Variants in CDYL observed in about 807,000 individuals in gnomAD.
CDYL encodes chromodomain Y-like protein.
Under a neutral mutation model 47.3 loss-of-function variants are expected in CDYL, and 8 were observed. The observed-to-expected ratio is 0.17, with a 90% CI of 0.10 to 0.31. The LOEUF (loss-of-function observed/expected upper bound fraction) is 0.31, where lower values mean the gene tolerates loss of function less well. CDYL is among the 10% of genes least tolerant of loss of function. The pLI, the probability that CDYL is intolerant of heterozygous loss-of-function variation, is 1.00. For missense variants in CDYL, 471 were observed against 701.4 expected, an observed-to-expected ratio of 0.67 and a Z score of 3.71; for synonymous variants, 266 against 265.0, an observed-to-expected ratio of 1.00 and a Z score of -0.04.
exon 3 of CDYL, chr6:4,734,799 C>A: frequency 6.2e-7 from 1 of 1,614,130 alleles, no homozygotes; most frequent in Non-Finnish European, 8.5e-7. Context: ...CCAGCATCTC[C>A]GTGAGCAGTG....
intron 1 of CDYL, among the ~76,000 whole-genome samples, chr6:4,789,371 G>A (rs1228122983): frequency 6.6e-6 from 1 of 152,160 alleles, no homozygotes; most frequent in African/African-American, 2.4e-5. Context: ...GCCGCGCCTG[G>A]CTGCTCCTGG....
chr6:4,716,220 G>A (rs1303209569), intron 2 of CDYL, among the ~76,000 whole-genome samples: 1 of 150,144 alleles, frequency 6.7e-6, no homozygotes, highest in African/African-American at 2.5e-5. Context: ...CTGTACTCCA[G>A]CCTGGGTGAC....
At chr6:4,767,186 T>A (rs1217480935) in intron 3 of CDYL, among the ~76,000 whole-genome samples, 1 of 151,892 alleles carries the variant, frequency 6.6e-6, no homozygotes, top group Non-Finnish European at 1.5e-5. Context: ...AATATGTCAA[T>A]GCATTTACAA....
At chr6:4,756,892 A>G (rs1174259186) in intron 3 of CDYL, among the ~76,000 whole-genome samples, 1 of 152,150 alleles carries the variant, frequency 6.6e-6, no homozygotes, top group Non-Finnish European at 1.5e-5. Flanking sequence ...TTGTCACCTT[A>G]TAGCTTATTG....
intron 2 of CDYL, among the ~76,000 whole-genome samples, chr6:4,915,493 T>TGGGGGC (rs1387446335): frequency 6.6e-6 from 1 of 152,126 alleles, no homozygotes; most frequent in African/African-American, 2.4e-5. Flanking sequence ...ATGTGGGGGA[T>TGGGGGC]GGGGGCAGAC....
At chr6:4,779,333 CAGG>C (rs1758550294) in intron 1 of CDYL, among the ~76,000 whole-genome samples, 2 of 152,128 alleles carry the variant, frequency 1.3e-5, no homozygotes, top group African/African-American at 2.4e-5. Flanking sequence ...GATATATTGA[CAGG>C]AGGAAATGTG....
At chr6:4,843,606 G>A (rs1760568387) in intron 1 of CDYL, among the ~76,000 whole-genome samples, 1 of 150,174 alleles carries the variant, frequency 6.7e-6, no homozygotes, top group African/African-American at 2.5e-5. Flanking sequence ...CTACTTGTTT[G>A]ATTCTGTTGC....
intron 1 of CDYL, among the ~76,000 whole-genome samples, chr6:4,816,579 A>G (rs573196841): frequency 4.7e-5 from 7 of 148,536 alleles, no homozygotes; most frequent in African/African-American, 1.5e-4. Flanking sequence ...GCTCACTGCA[A>G]CCTCCACCTC....
chr6:4,818,289 G>T (rs1759730013), intron 1 of CDYL, among the ~76,000 whole-genome samples: 1 of 151,950 alleles, frequency 6.6e-6, no homozygotes, highest in Non-Finnish European at 1.5e-5. Flanking sequence ...AAAATAAAAT[G>T]GAAAACACCA....
intron 1 of CDYL, among the ~76,000 whole-genome samples, chr6:4,838,238 A>G (rs368321448): frequency 1.1e-4 from 17 of 151,916 alleles, no homozygotes; most frequent in African/African-American, 3.9e-4. Flanking sequence ...GATTTCTGAG[A>G]TTTTGGTGCA....
chr6:4,738,588 G>A (rs559721366), intron 3 of CDYL, among the ~76,000 whole-genome samples: 4 of 152,302 alleles, frequency 2.6e-5, no homozygotes, highest in South Asian at 2.1e-4. Flanking sequence ...TAGTGGGAAT[G>A]CAAATTTATT....
At chr6:4,831,807 A>T (rs1009949987) in intron 1 of CDYL, among the ~76,000 whole-genome samples, 1 of 152,154 alleles carries the variant, frequency 6.6e-6, no homozygotes, top group Admixed American at 6.5e-5. Context: ...TGTAAGGTGG[A>T]TTCCTAAGTG....
chr6:4,807,814 C>T (rs72821447), intron 1 of CDYL, among the ~76,000 whole-genome samples: 2,506 of 151,800 alleles, frequency 0.017, 26 homozygotes, highest in Middle Eastern at 0.027. Flanking sequence ...CTATGTTGCC[C>T]GTGCTGGTCT....
intron 1 of CDYL, among the ~76,000 whole-genome samples, chr6:4,837,154 C>T (rs115879144): frequency 6.6e-6 from 1 of 152,284 alleles, no homozygotes; most frequent in African/African-American, 2.4e-5. Context: ...ATTACATGTT[C>T]AGGGATATGA....
intron 1 of CDYL, among the ~76,000 whole-genome samples, chr6:4,793,487 T>C (rs1581170285): frequency 6.6e-6 from 1 of 151,860 alleles, no homozygotes; most frequent in South Asian, 2.1e-4. Flanking sequence ...GCGGATGAGG[T>C]TGGGGGTACT....
At chr6:4,941,750 G>A (rs1332308266) in intron 4 of CDYL, among the ~76,000 whole-genome samples, 3 of 152,244 alleles carry the variant, frequency 2.0e-5, no homozygotes, top group Middle Eastern at 3.4e-3. Context: ...CTGTTTTTCT[G>A]TAGAATTACC....
In CDYL at chr6:4,734,681, GGATGGGGATGGAGGGAA is replaced by G. The variant is rs1757670671; in HGVS notation, c.104-69_104-53del. 1.2e-5 allele frequency: 19 copies of G among 1,575,962 alleles called. 2 individuals carry two copies. The South Asian group carries it at 1.9e-4, about 16-fold the overall frequency. On this transcript the variant is annotated intron_variant, in intron 2 of 8. Coordinates refer to the CDYL transcript ENST00000328908. ...GAGGGCACAGGGATGGGAAGTTGGG[GGATGGGGATGGAGGGAA>G]GATGGGGATGGGGAAGAGGATGGGT...
chr6:4,745,596 A>G (rs2127418329), intron 3 of CDYL, among the ~76,000 whole-genome samples: 1 of 152,158 alleles, frequency 6.6e-6, no homozygotes, highest in South Asian at 2.1e-4. Flanking sequence ...AAAAATTAAA[A>G]AAAAAAAGTT....
At chr6:4,719,417 T>TCC (rs761349439) in intron 2 of CDYL, among the ~76,000 whole-genome samples, 38 of 152,240 alleles carry the variant, frequency 2.5e-4, no homozygotes, top group Admixed American at 2.5e-3. Flanking sequence ...GGCCTCACCT[T>TCC]CCCTCCCCTC....
Sources: gnomAD v4.1 joint callset for allele counts (sites outside exome capture counted in the v4.1 genomes callset) on GRCh38, gnomAD v4.1.1 for gene constraint, MANE v1.5 for transcripts, NCBI Gene and HGNC (gene_info 2026-07-23, HGNC 2026-07-21) for gene names.